Variants in ITFG1 observed in about 807,000 individuals in gnomAD.
ITFG1 encodes integrin alpha FG-GAP repeat containing 1, also known as T-cell immunomodulatory protein.
Under a neutral mutation model 81.8 loss-of-function variants are expected in ITFG1, and 34 were observed. The ratio of observed to expected loss-of-function variants is 0.42; its 90% CI spans 0.32 to 0.55. The LOEUF is 0.55. Ranked by LOEUF, ITFG1 falls within the 20% of genes least tolerant of loss-of-function variation. The probability of loss-of-function intolerance (pLI) is 0.17; values close to 1 mark genes in which losing one functional copy is unlikely to be tolerated. For synonymous variants in ITFG1, 285 were observed against 270.6 expected, an observed-to-expected ratio of 1.05 and a Z score of -0.52; for missense variants, 672 against 755.4, an observed-to-expected ratio of 0.89 and a Z score of 1.29.
chr16:47,249,702 A>G (rs1966045182), intron 12 of ITFG1, among the ~76,000 whole-genome samples: 1 of 152,218 alleles, frequency 6.6e-6, no homozygotes, highest in South Asian at 2.1e-4. Flanking sequence ...TTCTTTTAAC[A>G]TGATAATGCT....
At chr16:47,225,705 C>G (rs1965748440) in intron 13 of ITFG1, among the ~76,000 whole-genome samples, 1 of 152,026 alleles carries the variant, frequency 6.6e-6, no homozygotes, top group Admixed American at 6.6e-5. Flanking sequence ...GCAAAAATAT[C>G]CTTCAAAAAT....
chr16:47,309,135 C>T (rs1264166400), intron 10 of ITFG1, among the ~76,000 whole-genome samples: 1 of 143,796 alleles, frequency 7.0e-6, no homozygotes, highest in Non-Finnish European at 1.5e-5. Flanking sequence ...ATGCTGTGAT[C>T]TTGGCTCACT....
chr16:47,341,400 GAAAA>G (rs545419792), intron 8 of ITFG1, among the ~76,000 whole-genome samples: 1 of 64,354 alleles, frequency 1.6e-5, no homozygotes. Flanking sequence ...CTGCGCCACT[GAAAA>G]AAAAAAAAAA....
chr16:47,321,454 C>A (rs1042125973), intron 8 of ITFG1, among the ~76,000 whole-genome samples: 1 of 152,110 alleles, frequency 6.6e-6, no homozygotes, highest in Non-Finnish European at 1.5e-5. Flanking sequence ...AATCCATTTA[C>A]TTTTTACTTT....
At chr16:47,200,106 C>A (rs116077070) in intron 14 of ITFG1, among the ~76,000 whole-genome samples, 2 of 152,252 alleles carry the variant, frequency 1.3e-5, no homozygotes, top group Admixed American at 1.3e-4. Flanking sequence ...GGGACCCATA[C>A]GGTCCAGGGG....
chr16:47,310,381 G>A (rs747570976), intron 10 of ITFG1, among the ~76,000 whole-genome samples: 29 of 152,030 alleles, frequency 1.9e-4, no homozygotes, highest in Middle Eastern at 3.2e-3. Context: ...ATAAATTAAT[G>A]CTCAGAAAAA....
chr16:47,279,828 G>A (rs913408853), intron 10 of ITFG1, among the ~76,000 whole-genome samples: 2 of 152,114 alleles, frequency 1.3e-5, no homozygotes, highest in African/African-American at 4.8e-5. Context: ...ATGACATATA[G>A]ATACTTAATA....
intron 14 of ITFG1, among the ~76,000 whole-genome samples, chr16:47,200,071 G>A (rs150367604): frequency 6.6e-6 from 1 of 151,888 alleles, no homozygotes; most frequent in Non-Finnish European, 1.5e-5. Flanking sequence ...ACCTCCTGCT[G>A]TGTGGCCCCT....
intron 10 of ITFG1, among the ~76,000 whole-genome samples, chr16:47,272,254 AAAG>A (rs975308032): frequency 8.5e-5 from 13 of 152,316 alleles, no homozygotes; most frequent in East Asian, 3.9e-4. Flanking sequence ...ATAGAGACAG[AAAG>A]AAGATTAGTG....
intron 5 of ITFG1, among the ~76,000 whole-genome samples, chr16:47,433,905 T>G (rs1969129108): frequency 1.1e-5 from 1 of 88,982 alleles, no homozygotes; most frequent in Non-Finnish European, 2.2e-5. Context: ...TATATATATA[T>G]AGTTGTCAAT....
chr16:47,366,009 T>C (rs759751382), intron 7 of ITFG1, 140 bp from the exon 8 acceptor site: 17 of 532,612 alleles, frequency 3.2e-5, no homozygotes, highest in Middle Eastern at 4.5e-4. Context: ...TCCAATCTCC[T>C]GTTTCACTTT....
chr16:47,324,286 TGA>T (rs1967495987), intron 8 of ITFG1, among the ~76,000 whole-genome samples: 1 of 151,792 alleles, frequency 6.6e-6, no homozygotes, highest in Non-Finnish European at 1.5e-5. Context: ...AAGCAAATGC[TGA>T]GAGATTTTGT....
At chr16:47,405,686 A>C (rs983621384) in intron 6 of ITFG1, among the ~76,000 whole-genome samples, 5 of 152,242 alleles carry the variant, frequency 3.3e-5, no homozygotes, top group Admixed American at 1.3e-4. Context: ...TGTGAGGATG[A>C]AAAAGCAAAT....
At chr16:47,274,306 T>C (rs1238874033) in intron 10 of ITFG1, among the ~76,000 whole-genome samples, 1 of 152,098 alleles carries the variant, frequency 6.6e-6, no homozygotes, top group African/African-American at 2.4e-5. Context: ...TCTTATCATC[T>C]TGAGAAAAGT....
chr16:47,294,957 T>G (rs1050590448), intron 10 of ITFG1, among the ~76,000 whole-genome samples: 1 of 152,170 alleles, frequency 6.6e-6, no homozygotes, highest in Non-Finnish European at 1.5e-5. Flanking sequence ...GGGGAAGAGC[T>G]TTCAATGTTT....
chr16:47,295,595 T>C (rs577596126), intron 10 of ITFG1, among the ~76,000 whole-genome samples: 4 of 152,316 alleles, frequency 2.6e-5, no homozygotes, highest in East Asian at 1.9e-4. Context: ...TTTGTGAGCA[T>C]AGAGTTGTTC....
rs770104337 is a variant in ITFG1 at position 47,227,830 on chromosome 16, G to GA, written c.1375-8885dup. On this transcript the variant is annotated intron_variant, in intron 13 of 17. Transcript: ENST00000320640. ...AGAAATTCATGATTCTAAAATATTA[G>GA]AAAAATAGCTGACTTATAGAGTGGA... is the stretch of plus-strand genomic sequence containing the variant. Among the ~76,000 whole-genome samples, 21 of 152,082 alleles carry GA rather than the reference G, an allele frequency of 1.4e-4. 1 individual carries two copies. Among genetic ancestry groups the GA allele is most frequent in the Non-Finnish European group, 1.3e-4 (9 of 67,994 alleles).
At chr16:47,164,931 C>T (rs1353396341) in intron 14 of ITFG1, among the ~76,000 whole-genome samples, 1 of 152,196 alleles carries the variant, frequency 6.6e-6, no homozygotes, top group Admixed American at 6.5e-5. Context: ...GCCATAGATT[C>T]GGTGTCTTAT....
chr16:47,187,293 C>T (rs907582508), intron 14 of ITFG1, among the ~76,000 whole-genome samples: 37 of 152,166 alleles, frequency 2.4e-4, no homozygotes, highest in African/African-American at 7.5e-4. Flanking sequence ...AAAAAGAGCC[C>T]GCATCGCCAA....
Sources: gnomAD v4.1 joint callset for allele counts (sites outside exome capture counted in the v4.1 genomes callset) on GRCh38, gnomAD v4.1.1 for gene constraint, MANE v1.5 for transcripts, NCBI Gene and HGNC (gene_info 2026-07-23, HGNC 2026-07-21) for gene names.